The following AHSA1 variants were observed in gnomAD, a reference collection of about 807,000 sequenced individuals.
The protein encoded by AHSA1 is activator of HSP90 ATPase activity 1, also known as activator of 90 kDa heat shock protein ATPase homolog 1.
A neutral mutation model predicts 46.1 loss-of-function variants in AHSA1; 14 were observed. That is an observed-to-expected ratio of 0.30 (90% CI 0.20 to 0.47). The LOEUF is 0.47. AHSA1 is among the 20% of genes least tolerant of loss of function. AHSA1 has a pLI of 0.99. For missense variants in AHSA1, 333 were observed against 415.9 expected (o/e 0.80, Z 1.73); for synonymous variants, 147 against 145.8 (o/e 1.01, Z -0.06).
chr14:77,468,312 C>CA (rs1162751625), intron 7 of AHSA1, 128 bp downstream of exon 7: 9 of 1,133,800 alleles, frequency 7.9e-6, no homozygotes, highest in South Asian at 2.9e-5. Context: ...TTTTGTTTTT[C>CA]AAAAAAAGGC....
At chr14:77,458,015 GA>G, upstream of AHSA1, 3 of 552,822 alleles carry the variant, frequency 5.4e-6, no homozygotes, top group East Asian at 3.4e-5. Context: ...TAACCGGTGG[GA>G]GTGGGGAGGA....
At chr14:77,462,566 G>T (rs1203880907) in intron 3 of AHSA1, 76 bp from the exon 4 acceptor site, 1 of 1,340,210 alleles carries the variant, frequency 7.5e-7, no homozygotes. Flanking sequence ...GCAGTCACCT[G>T]ATTGCTCAGC....
chr14:77,468,421 G>C, intron 7 of AHSA1, 36 bp from the exon 8 acceptor site: 1 of 1,578,574 alleles, frequency 6.3e-7, no homozygotes. Context: ...GTACATTGTA[G>C]TATATAATAT....
intron 2 of AHSA1, among the ~76,000 whole-genome samples, chr14:77,461,641 A>G (rs1403461791): frequency 6.6e-6 from 1 of 152,218 alleles, no homozygotes; most frequent in African/African-American, 2.4e-5. Context: ...GAGGATGGGT[A>G]TGGCTCACAA....
At chr14:77,459,521 T>G in intron 1 of AHSA1, 95 bp from the exon 2 acceptor site, 1 of 1,290,048 alleles carries the variant, frequency 7.8e-7, no homozygotes, top group Non-Finnish European at 1.1e-6. Flanking sequence ...CTTTTCAAAC[T>G]ATTTGTCAGG....
At chr14:77,461,156 C>G (rs2079022409) in intron 2 of AHSA1, among the ~76,000 whole-genome samples, 1 of 151,612 alleles carries the variant, frequency 6.6e-6, no homozygotes, top group Non-Finnish European at 1.5e-5. Context: ...GAGACTCCAT[C>G]TCAAAAAAAA....
intron 6 of AHSA1, 21 bp from the exon 7 acceptor site, chr14:77,468,062 T>TC (rs2079055469): frequency 1.1e-5 from 15 of 1,340,014 alleles, no homozygotes; most frequent in African/African-American, 1.5e-5. Flanking sequence ...TTTTTTTTTT[T>TC]TTTTTTTTTT....
At position 77,469,354 on chromosome 14, in the gene AHSA1, G is replaced by A; in HGVS notation, c.*105G>A. The A allele has an allele frequency of 6.8e-7, 1 of 1,466,092 alleles. No individual in the cohort carries two copies. The highest frequency in any genetic ancestry group is 9.2e-7 in the Non-Finnish European group (1 of 1,091,682). 90.8% of individuals were successfully genotyped at this position (1,466,092 alleles called of 1,614,324 possible). ...GCATCGTCCCAGCTGCTAACTTGGGGCCGGGGCCCCTCCCTTCCACATATA... is the reference window on the plus strand; with the variant it reads ...GCATCGTCCCAGCTGCTAACTTGGGACCGGGGCCCCTCCCTTCCACATATA... On this transcript the variant is annotated 3_prime_UTR_variant, in exon 9 of 9. Coordinates refer to ENST00000216479, the MANE Select transcript of AHSA1 (RefSeq NM_012111.3).
chr14:77,458,330 T>C, intron 1 of AHSA1, 61 bp downstream of exon 1: 1 of 1,510,422 alleles, frequency 6.6e-7, no homozygotes. Flanking sequence ...GGTTTCAGGG[T>C]TCCTAGAACC....
intron 1 of AHSA1, among the ~76,000 whole-genome samples, chr14:77,459,264 G>A (rs1175388221): frequency 6.6e-6 from 1 of 152,134 alleles, no homozygotes; most frequent in Non-Finnish European, 1.5e-5. Flanking sequence ...ATTCTTTCAT[G>A]GTCCAGTCTG....
chr14:77,460,371 G>A (rs1440331867), intron 2 of AHSA1, among the ~76,000 whole-genome samples: 1 of 151,734 alleles, frequency 6.6e-6, no homozygotes, highest in Non-Finnish European at 1.5e-5. Context: ...AAAGCTAAGG[G>A]AGTATGAGAT....
chr14:77,461,026 GCA>G (rs1457955411), intron 2 of AHSA1, among the ~76,000 whole-genome samples: 4 of 151,954 alleles, frequency 2.6e-5, no homozygotes, highest in African/African-American at 9.7e-5. Flanking sequence ...CGGCGTGGTG[GCA>G]TGTGCCTGTA....
intron 8 of AHSA1, 49 bp downstream of exon 8, chr14:77,468,557 C>G: frequency 2.1e-6 from 3 of 1,404,972 alleles, no homozygotes; most frequent in Non-Finnish European, 3.0e-6. Context: ...TTTCTCTTTG[C>G]TGTAATTTTT....
chr14:77,464,575 G>T, intron 4 of AHSA1, 23 bp from the exon 5 acceptor site: 1 of 1,599,192 alleles, frequency 6.3e-7, no homozygotes, highest in Non-Finnish European at 8.5e-7. Flanking sequence ...TAACTTCCAT[G>T]AGCTGGAATT....
chr14:77,468,720 G>GTTTTTT, intron 8 of AHSA1: 2 of 295,046 alleles, frequency 6.8e-6, no homozygotes, highest in Non-Finnish European at 1.1e-5. Context: ...CACCATGCCA[G>GTTTTTT]CTTTTTTTTT....
intron 4 of AHSA1, chr14:77,463,121 A>G: frequency 4.7e-6 from 1 of 212,380 alleles, no homozygotes; most frequent in Non-Finnish European, 9.8e-6. Flanking sequence ...CTCTACAAAA[A>G]ATACAAAAAT....
In AHSA1 at chr14:77,469,194, G is replaced by A. The variant is rs755174037; in HGVS notation, c.962G>A (p.Arg321Gln). ...EEERTRQGWQ[R>Q]YYFEGIKQTF... ...GAGCGGACGCGACAGGGCTGGCAGC[G>A]GTACTACTTTGAGGGCATTAAACAG... Residue 321 changes from arginine (R) to glutamine (Q), a missense_variant, in exon 9 of 9, where the codon CGG (arginine) becomes CAG (glutamine). Physicochemically the swap from Arg to Gln is conservative, Grantham distance 43. Transcript: ENST00000216479. The A allele has an allele frequency of 1.1e-5, 17 of 1,613,942 alleles. No homozygotes were observed. Among genetic ancestry groups the A allele is most frequent in the East Asian group, 4.5e-5 (2 of 44,868 alleles).
At chr14:77,458,356 C>G in intron 1 of AHSA1, 87 bp downstream of exon 1, 1 of 1,413,060 alleles carries the variant, frequency 7.1e-7, no homozygotes, top group Non-Finnish European at 9.6e-7. Flanking sequence ...CCGGACAGAG[C>G]TGGGGCTGAG....
rs1483233698 is a variant in AHSA1, at chr14:77,459,713, G to C, written c.178G>C (p.Glu60Gln). 2 of 1,614,208 alleles carry C rather than the reference G, an allele frequency of 1.2e-6. No homozygotes were observed. Among genetic ancestry groups the C allele is most frequent in the Middle Eastern group, 1.6e-4 (1 of 6,062 alleles). ...TGAAGAAGGCAAGTGTGAGGTGACG[G>C]AAGTGAGTAAGCTTGATGGAGAGGC... ...QNEEGKCEVT[E>Q]VSKLDGEASI... Residue 60 changes from glutamate (E) to glutamine (Q), a missense_variant, in exon 2 of 9, where the codon GAA becomes CAA. By Grantham distance (29) the Glu-to-Gln change is conservative (BLOSUM62 2). Transcript: ENST00000216479.
Sources: allele counts gnomAD v4.1 joint callset (sites outside exome capture counted in the v4.1 genomes callset), GRCh38; gene constraint gnomAD v4.1.1; transcripts MANE v1.5; gene names NCBI Gene and HGNC (gene_info 2026-07-23, HGNC 2026-07-21).